The following SOX5 variants were observed in gnomAD, a reference collection of about 807,000 sequenced individuals.
The protein encoded by SOX5 is transcription factor SOX-5.
In SOX5, 9 loss-of-function variants were observed where a neutral mutation model predicts 92.0. That is an observed-to-expected ratio of 0.10 (90% CI 0.06 to 0.17). The LOEUF (loss-of-function observed/expected upper bound fraction) is 0.17, where lower values mean the gene tolerates loss of function less well. SOX5 is among the 10% of genes least tolerant of loss of function. The pLI is 1.00. For synonymous variants in SOX5, 344 were observed against 336.3 expected, an observed-to-expected ratio of 1.02 and a Z score of -0.25; for missense variants, 642 against 944.5, an observed-to-expected ratio of 0.68 and a Z score of 4.20.
At chr12:24,256,526 C>A (rs550510755) in intron 3 of SOX5, among the ~76,000 whole-genome samples, 1 of 152,242 alleles carries the variant, frequency 6.6e-6, no homozygotes, top group Admixed American at 6.5e-5. Flanking sequence ...GCAGCTTTGT[C>A]ACCAGCTGAT....
intron 1 of SOX5, among the ~76,000 whole-genome samples, chr12:23,942,242 T>C (rs1349502898): frequency 6.6e-6 from 1 of 151,886 alleles, no homozygotes; most frequent in Non-Finnish European, 1.5e-5. Flanking sequence ...ATTAGGATGA[T>C]CTTTTATTAG....
intron 1 of SOX5, among the ~76,000 whole-genome samples, chr12:23,896,638 T>A (rs1489117606): frequency 6.6e-6 from 1 of 151,912 alleles, no homozygotes; most frequent in African/African-American, 2.4e-5. Flanking sequence ...TTAAAACATT[T>A]GAGAATTTTC....
chr12:24,316,605 T>C (rs1011331790), intron 2 of SOX5, among the ~76,000 whole-genome samples: 16 of 152,140 alleles, frequency 1.1e-4, no homozygotes, highest in Admixed American at 1.0e-3. Flanking sequence ...TACAAACTAG[T>C]GTGCAGAATT....
intron 3 of SOX5, among the ~76,000 whole-genome samples, chr12:23,825,444 C>G (rs1457266926): frequency 6.6e-6 from 1 of 152,190 alleles, no homozygotes; most frequent in Non-Finnish European, 1.5e-5. Flanking sequence ...CCGGGTACCT[C>G]AGTTGGAAAT....
chr12:24,416,572 A>G (rs1047600836), intron 1 of SOX5, among the ~76,000 whole-genome samples: 7 of 152,246 alleles, frequency 4.6e-5, no homozygotes, highest in African/African-American at 1.7e-4. Context: ...ATGTAAAAAT[A>G]TGAGCTAATG....
At chr12:23,544,023 G>T (rs189310862) in intron 12 of SOX5, among the ~76,000 whole-genome samples, 22 of 152,262 alleles carry the variant, frequency 1.4e-4, no homozygotes, top group African/African-American at 5.3e-4. Flanking sequence ...TGTAAAACTG[G>T]TATGGAAAAG....
intron 5 of SOX5, among the ~76,000 whole-genome samples, chr12:23,739,222 A>T (rs558526284): frequency 1.8e-4 from 27 of 152,272 alleles, no homozygotes; most frequent in African/African-American, 5.5e-4. Flanking sequence ...GAGGAAAAGG[A>T]CTTAGCCATG....
chr12:24,210,871 A>G (rs1013595534), intron 4 of SOX5, among the ~76,000 whole-genome samples: 3 of 152,196 alleles, frequency 2.0e-5, no homozygotes, highest in African/African-American at 7.2e-5. Context: ...GATTCTGTCT[A>G]TAAAGGGACA....
At chr12:23,625,770 G>A (rs769991311) in intron 8 of SOX5, among the ~76,000 whole-genome samples, 9 of 152,048 alleles carry the variant, frequency 5.9e-5, no homozygotes, top group South Asian at 4.2e-4. Context: ...CCACCACGCC[G>A]GCTAATTTTT....
chr12:23,566,229 T>C (rs1372976762), intron 10 of SOX5, among the ~76,000 whole-genome samples: 1 of 152,200 alleles, frequency 6.6e-6, no homozygotes, highest in East Asian at 1.9e-4. Context: ...AAATAAAGTG[T>C]CTTCTTTAAC....
chr12:24,096,488 ATTCTACTT>A (rs1160006250), intron 4 of SOX5, among the ~76,000 whole-genome samples: 1 of 152,144 alleles, frequency 6.6e-6, no homozygotes, highest in East Asian at 1.9e-4. Flanking sequence ...AAAAACCACC[ATTCTACTT>A]CCTGTCTCTA....
chr12:24,061,098 G>A (rs78399360), intron 4 of SOX5, among the ~76,000 whole-genome samples: 2,504 of 152,102 alleles, frequency 0.016, 73 homozygotes, highest in African/African-American at 0.058. Context: ...CCCAGTGAAT[G>A]TTGGCTGCTT....
chr12:23,710,245 A>AT (rs918230883), intron 6 of SOX5, among the ~76,000 whole-genome samples: 16 of 151,348 alleles, frequency 1.1e-4, no homozygotes, highest in Non-Finnish European at 2.1e-4. Context: ...TATGATATAT[A>AT]TTTTTTTTAT....
chr12:24,440,703 C>T (rs1224643735), intron 1 of SOX5, among the ~76,000 whole-genome samples: 1 of 151,808 alleles, frequency 6.6e-6, no homozygotes, highest in Non-Finnish European at 1.5e-5. Context: ...TGACCATACT[C>T]TTCATCAGTC....
chr12:24,036,885 A>G (rs954961587), intron 4 of SOX5, among the ~76,000 whole-genome samples: 2 of 152,194 alleles, frequency 1.3e-5, no homozygotes, highest in Non-Finnish European at 2.9e-5. Context: ...GAATCCTTTT[A>G]TTGTATGTAC....
At chr12:23,680,550 T>A (rs1471568454) in intron 6 of SOX5, among the ~76,000 whole-genome samples, 1 of 151,370 alleles carries the variant, frequency 6.6e-6, no homozygotes, top group Non-Finnish European at 1.5e-5. Context: ...GGTCAAAAAT[T>A]TTAGGAGAAA....
At chr12:23,746,713 G>A (rs11047078) in intron 4 of SOX5, among the ~76,000 whole-genome samples, 9,758 of 152,072 alleles carry the variant, frequency 0.064, 1,047 homozygotes, top group African/African-American at 0.22. Context: ...TGAGGGAAGG[G>A]AACCAGCTTC....
chr12:24,298,416 CA>C (rs1947540159), intron 2 of SOX5, among the ~76,000 whole-genome samples: 1 of 152,134 alleles, frequency 6.6e-6, no homozygotes. Context: ...AAGGATCTTA[CA>C]AAACATTATC....
chr12:24,151,225 C>T (rs1463347681), intron 4 of SOX5, among the ~76,000 whole-genome samples: 1 of 151,850 alleles, frequency 6.6e-6, no homozygotes, highest in East Asian at 1.9e-4. Flanking sequence ...GGGAATGAGA[C>T]CTGGTTAGAG....
Sources: gnomAD v4.1 joint callset for allele counts (sites outside exome capture counted in the v4.1 genomes callset) on GRCh38, gnomAD v4.1.1 for gene constraint, MANE v1.5 for transcripts, NCBI Gene and HGNC (gene_info 2026-07-23, HGNC 2026-07-21) for gene names.